The following RAP1GAP2 variants were observed in gnomAD, a reference collection of about 807,000 sequenced individuals.
RAP1GAP2 encodes the protein RAP1 GTPase activating protein 2.
RAP1GAP2 carries 27 observed loss-of-function variants against 95.0 expected under a neutral mutation model. That is an observed-to-expected ratio of 0.28 (90% confidence interval 0.21 to 0.39). The LOEUF is 0.39. RAP1GAP2 is among the 10% of genes least tolerant of loss of function. The pLI, the probability that RAP1GAP2 is intolerant of heterozygous loss-of-function variation, is 1.00. For synonymous variants in RAP1GAP2, 373 were observed against 380.9 expected (o/e 0.98, Z 0.24); for missense variants, 771 against 970.0 (o/e 0.79, Z 2.72).
chr17:2,982,329 G>A (rs1168719814), intron 10 of RAP1GAP2, among the ~76,000 whole-genome samples: 1 of 152,142 alleles, frequency 6.6e-6, no homozygotes, highest in African/African-American at 2.4e-5. Context: ...AGTAGAGACG[G>A]GCGTTTCACC....
rs944294458 is a variant in RAP1GAP2, at chr17:3,036,849, G to T, written c.*3488G>T. ...TCGCTTTCCTCCCTGACCCTGCCAG[G>T]TGCCAACTCAAACACTACCTTTCTC... is the stretch of plus-strand genomic sequence containing the variant. On this transcript the variant is annotated 3_prime_UTR_variant, in exon 25 of 25. Transcript: ENST00000254695. 6 of 152,648 alleles carry T rather than the reference G, an allele frequency of 3.9e-5. No homozygotes were observed. The highest frequency in any genetic ancestry group is 1.4e-4 in the African/African-American group (6 of 41,444). 9.5% of individuals were successfully genotyped at this position (152,648 alleles called of 1,614,324 possible). A position where few individuals can be genotyped will look rare whatever the true frequency, so the allele number is the denominator to read the frequency against.
intron 16 of RAP1GAP2, among the ~76,000 whole-genome samples, chr17:3,007,527 C>G (rs1035856043): frequency 6.6e-6 from 1 of 152,184 alleles, no homozygotes; most frequent in Non-Finnish European, 1.5e-5. Flanking sequence ...ACTCTTGGGC[C>G]TTTGGCCTGG....
chr17:2,843,521 A>G (rs1043574857), intron 2 of RAP1GAP2, among the ~76,000 whole-genome samples: 2 of 151,938 alleles, frequency 1.3e-5, no homozygotes, highest in Non-Finnish European at 2.9e-5. Flanking sequence ...TCCTGACCTC[A>G]AGTGATCCAC....
At chr17:2,799,828 G>C (rs575768634) in intron 1 of RAP1GAP2, among the ~76,000 whole-genome samples, 42 of 152,292 alleles carry the variant, frequency 2.8e-4, no homozygotes, top group African/African-American at 9.6e-4. Context: ...TATGCAGGGG[G>C]GTAAAAATAG....
intron 17 of RAP1GAP2, among the ~76,000 whole-genome samples, chr17:3,016,801 T>G (rs1482423201): frequency 1.3e-5 from 2 of 152,214 alleles, no homozygotes; most frequent in South Asian, 2.1e-4. Flanking sequence ...TCTTTCACTC[T>G]AAGTCTCAGA....
intron 2 of RAP1GAP2, among the ~76,000 whole-genome samples, chr17:2,856,372 G>A (rs753528726): frequency 1.3e-5 from 2 of 152,182 alleles, no homozygotes; most frequent in Non-Finnish European, 2.9e-5. Context: ...TGGGAACCTC[G>A]GTTTCTGCCT....
intron 2 of RAP1GAP2, among the ~76,000 whole-genome samples, chr17:2,852,166 C>A (rs1057414947): frequency 4.6e-5 from 7 of 152,208 alleles, no homozygotes; most frequent in Non-Finnish European, 1.0e-4. Context: ...CAAGGACACT[C>A]ATTTTATTCT....
intron 2 of RAP1GAP2, chr17:2,770,548 A>G (rs557969570): frequency 5.2e-4 from 205 of 397,346 alleles, no homozygotes; most frequent in African/African-American, 3.8e-3. Flanking sequence ...CAAATCCACC[A>G]TGGGGAACTT....
At chr17:2,973,464 C>T (rs753587602) in intron 8 of RAP1GAP2, among the ~76,000 whole-genome samples, 28 of 151,850 alleles carry the variant, frequency 1.8e-4, no homozygotes, top group Non-Finnish European at 3.5e-4. Context: ...TGCAGTGAGC[C>T]GAGATCACAC....
At chr17:2,858,709 G>A (rs2072249442) in intron 2 of RAP1GAP2, among the ~76,000 whole-genome samples, 4 of 152,000 alleles carry the variant, frequency 2.6e-5, no homozygotes, top group Admixed American at 2.6e-4. Context: ...CCAGGAGTTC[G>A]AGACCAGCCT....
chr17:2,848,058 C>G (rs996774779), intron 2 of RAP1GAP2, among the ~76,000 whole-genome samples: 2 of 152,124 alleles, frequency 1.3e-5, no homozygotes, highest in African/African-American at 4.8e-5. Flanking sequence ...TCCCTCTACC[C>G]ACTCTCCATA....
In RAP1GAP2 at chr17:3,004,318, G is replaced by T. The variant is rs910502745; in HGVS notation, c.1201-1051G>T. Among the ~76,000 whole-genome samples, 1 of 152,220 alleles carries T rather than the reference G, an allele frequency of 6.6e-6. No individual in the cohort carries two copies. The highest frequency in any genetic ancestry group is 6.5e-5 in the Admixed American group (1 of 15,282). ...AGCCCGTATTGACCAGCTCTCTCCCGCTCCGTTTCCCCTCCGGACTCTGGC... is the reference window on the plus strand; with the variant it reads ...AGCCCGTATTGACCAGCTCTCTCCCTCTCCGTTTCCCCTCCGGACTCTGGC... On this transcript the variant is annotated intron_variant, in intron 14 of 24. Coordinates refer to ENST00000254695, the MANE Select transcript of RAP1GAP2 (RefSeq NM_015085.5). The surrounding 1 kb of genome is among the most constrained non-coding windows in gnomAD (Gnocchi z 4.1).
chr17:2,950,825 G>A lies in RAP1GAP2; in HGVS notation c.166-6934G>A, dbSNP rs535450112. Among the ~76,000 whole-genome samples, 3 of 152,032 alleles carry A rather than the reference G, an allele frequency of 2.0e-5. No homozygotes were observed. In the East Asian group the frequency reaches 5.8e-4, roughly 30 times the overall value. On this transcript the variant is annotated intron_variant, in intron 3 of 24. Coordinates refer to ENST00000254695, the MANE Select transcript of RAP1GAP2 (RefSeq NM_015085.5). Reference sequence around the variant, plus strand: ...GGGGTTTCATCATGTTGGCCAGGCTGGTCTTGAACTCCTGACCTCAAGTGA... The same window carrying A: ...GGGGTTTCATCATGTTGGCCAGGCTAGTCTTGAACTCCTGACCTCAAGTGA...
exon 1 of RAP1GAP2, chr17:2,755,726 C>A: frequency 3.0e-6 from 1 of 337,612 alleles, no homozygotes. Flanking sequence ...GCATGGCGGG[C>A]CGCCGGGCGC....
rs2046284078 is a variant in RAP1GAP2, at chr17:3,004,844, G to T, written c.1201-525G>T. Among the ~76,000 whole-genome samples, 1 of 152,258 alleles carries T rather than the reference G, an allele frequency of 6.6e-6. No homozygotes were observed. Among genetic ancestry groups the T allele is most frequent in the Non-Finnish European group, 1.5e-5 (1 of 68,046 alleles). On this transcript the variant is annotated intron_variant, in intron 14 of 24. Transcript: ENST00000254695. The surrounding 1 kb of genome is among the most constrained non-coding windows in gnomAD (Gnocchi z 4.1). ...TTTAAACACCTGAAGCAATTTTGAA[G>T]CAATTCTGATTTATGGCCGAGCTGA...
At chr17:2,896,535 A>G (rs996389689) in intron 2 of RAP1GAP2, among the ~76,000 whole-genome samples, 4 of 152,240 alleles carry the variant, frequency 2.6e-5, no homozygotes, top group Admixed American at 1.3e-4. Flanking sequence ...GGTGTAAACC[A>G]TAAAGCACGC....
chr17:2,939,287 G>A (rs1436893289), intron 3 of RAP1GAP2, among the ~76,000 whole-genome samples: 16 of 152,044 alleles, frequency 1.1e-4, no homozygotes, highest in Admixed American at 9.2e-4. Context: ...ACGGGCTTTC[G>A]CCATGTTGGC....
intron 3 of RAP1GAP2, among the ~76,000 whole-genome samples, chr17:2,948,251 T>A (rs893296212): frequency 2.0e-5 from 3 of 152,142 alleles, no homozygotes; most frequent in Non-Finnish European, 4.4e-5. Flanking sequence ...AGCAGGGATT[T>A]TAGCGAGGCT....
chr17:2,759,410 A>G (rs752055732), intron 1 of RAP1GAP2, among the ~76,000 whole-genome samples: 1 of 152,034 alleles, frequency 6.6e-6, no homozygotes, highest in Non-Finnish European at 1.5e-5. Context: ...CCCCCTGAGT[A>G]ACTGGGACTA....
Sources: allele counts gnomAD v4.1 joint callset (sites outside exome capture counted in the v4.1 genomes callset), GRCh38; gene constraint gnomAD v4.1.1; non-coding constraint Gnocchi (gnomAD v3.1); transcripts MANE v1.5; gene names NCBI Gene and HGNC (gene_info 2026-07-23, HGNC 2026-07-21).